NAT8: variants seen among roughly 807,000 people sequenced by gnomAD.
NAT8 encodes the protein N-acetyltransferase 8.
For synonymous variants in NAT8, 131 were observed against 115.4 expected (o/e 1.14, Z -0.87); for missense variants, 357 against 287.1 (o/e 1.24, Z -1.76).
rs990779928 is a variant in NAT8, at chr2:73,641,271, C to T, written c.358G>A (p.Gly120Ser). ...TCAACAGGCAGAGCTCCTACCATGCCCACCACCTTCTCTTCAGACTCAGCC... is the reference window on the plus strand; with the variant it reads ...TCAACAGGCAGAGCTCCTACCATGCTCACCACCTTCTCTTCAGACTCAGCC... ...WVAESEEKVVGMVGALPVDDP... is the reference protein window; with the variant it reads ...WVAESEEKVVSMVGALPVDDP... Residue 120 changes from glycine to serine, a missense_variant, in exon 2 of 2, where the codon GGC becomes AGC. By Grantham distance (56) the Gly-to-Ser change is moderately conservative. Coordinates refer to ENST00000272425, the MANE Select transcript of NAT8 (RefSeq NM_003960.4). 6.2e-7 allele frequency: 1 copy of T among 1,614,110 alleles called. No homozygotes were observed. Among genetic ancestry groups the T allele is most frequent in the Non-Finnish European group, 8.5e-7 (1 of 1,180,028 alleles).
rs563547940 is a variant in NAT8, at chr2:73,640,816, A to G, written c.*129T>C. 64 of 1,024,484 alleles carry G rather than the reference A, an allele frequency of 6.2e-5. No homozygotes were observed. The African/African-American group carries it at 9.4e-4, about 15-fold the overall frequency. The allele number at this position is 1,024,484 out of a possible 1,614,324, so 63.5% of individuals were successfully genotyped here. ...CCCAGAAGCTACCCCACAAGCAATC[A>G]CATGGGACTCAGATGTGAATGGACA... is the stretch of plus-strand genomic sequence containing the variant. On this transcript the variant is annotated 3_prime_UTR_variant, in exon 2 of 2. Transcript: ENST00000272425.
rs1676392731 is a variant in NAT8, at chr2:73,641,292, C to T, written c.337G>A (p.Glu113Lys). The change falls in exon 2 of 2, where the codon GAG (glutamate) becomes AAG (lysine). Residue 113 changes from glutamate to lysine, a missense_variant. Physicochemically the swap from Glu to Lys is moderately conservative, Grantham distance 56. Transcript: ENST00000272425. ...ATGCCCACCACCTTCTCTTCAGACT[C>T]AGCCACCCAGAAGCAGGAGCCACGC... ...SERGSCFWVA[E>K]SEEKVVGMVG... is the part of the protein sequence containing the mutation. 6.2e-7 allele frequency: 1 copy of T among 1,614,012 alleles called. No individual in the cohort carries two copies. Among genetic ancestry groups the T allele is most frequent in the Admixed American group, 1.7e-5 (1 of 59,950 alleles).
rs747431825 is a variant in NAT8, at chr2:73,641,325, G to T, written c.304C>A (p.Leu102Met). Residue 102 changes from leucine (L) to methionine (M), a missense_variant, in exon 2 of 2, where the codon CTG becomes ATG. Leu to Met is a conservative substitution (Grantham distance 15, BLOSUM62 2). Coordinates refer to ENST00000272425, the MANE Select transcript of NAT8 (RefSeq NM_003960.4). ...CAGAAGCAGGAGCCACGCTCACTCA[G>T]GTAGGATTTGGTAATGTCAGACATG... ...TDMSDITKSY[L>M]SERGSCFWVA... 4.3e-6 allele frequency: 7 copies of T among 1,614,086 alleles called. No homozygotes were observed. In the East Asian group the frequency reaches 1.6e-4, roughly 36 times the overall value.
rs1676382772 is a variant in NAT8, at chr2:73,641,027, A to C, written c.602T>G (p.Phe201Cys). Residue 201 changes from phenylalanine to cysteine, a missense_variant, in exon 2 of 2, where the codon TTC becomes TGC. Physicochemically the swap from Phe to Cys is radical, Grantham distance 205 (BLOSUM62 -2). Transcript: ENST00000272425. ...MGFKKTGQSF[F>C]CVWARLVALH... Reference sequence around the variant, plus strand: ...AGCCACTAGCCTGGCCCACACACAGAAGAAGGACTGGCCCGTCTTCTTGAA... The same window carrying C: ...AGCCACTAGCCTGGCCCACACACAGCAGAAGGACTGGCCCGTCTTCTTGAA... 1 of 1,613,990 alleles carries C rather than the reference A, an allele frequency of 6.2e-7. No homozygotes were observed.
chr2:73,640,876 G>C lies in NAT8; in HGVS notation c.*69C>G, dbSNP rs1062879. The C allele has an allele frequency of 3.4e-6, 5 of 1,459,840 alleles. No individual in the cohort carries two copies. The highest frequency in any genetic ancestry group is 4.6e-6 in the Non-Finnish European group (5 of 1,087,252). The allele number at this position is 1,459,840 out of a possible 1,614,324, so 90.4% of individuals were successfully genotyped here. A position where few individuals can be genotyped will look rare whatever the true frequency, so the allele number is the denominator to read the frequency against. The stretch of plus-strand genomic sequence containing the variant: ...TATTGCATTGAAAGGTCATTGCAGT[G>C]AAAGGTTGGGGATTGCTTGCTGCTA... On this transcript the variant is annotated 3_prime_UTR_variant, in exon 2 of 2. Transcript: ENST00000272425.
At chr2:73,641,998 C>T (rs1163018041) in intron 1 of NAT8, among the ~76,000 whole-genome samples, 5 of 152,118 alleles carry the variant, frequency 3.3e-5, no homozygotes, top group Non-Finnish European at 7.3e-5. Context: ...AAGATGCCTT[C>T]TATAAAGCCC....
Position 73,641,011 on chromosome 2 carries a change from C to G in NAT8, c.618G>C (p.Arg206Ser). The G allele has an allele frequency of 6.2e-7, 1 of 1,614,120 alleles. No homozygotes were observed. Among genetic ancestry groups the G allele is most frequent in the African/African-American group, 1.3e-5 (1 of 75,040 alleles). Reference sequence around the variant, plus strand: ...AATGAACTGTATGAAGAGCCACTAGCCTGGCCCACACACAGAAGAAGGACT... The same window carrying G: ...AATGAACTGTATGAAGAGCCACTAGGCTGGCCCACACACAGAAGAAGGACT... ...TGQSFFCVWA[R>S]LVALHTVHFI... The change falls in exon 2 of 2, where the codon AGG becomes AGC. Residue 206 changes from arginine (R) to serine (S), a missense_variant. Arg to Ser is a moderately radical substitution (Grantham distance 110, BLOSUM62 -1). Transcript: ENST00000272425.
chr2:73,641,563 G>T lies in NAT8; in HGVS notation c.66C>A (p.Ser22=). ...SDRQWVVGLL[S]RGMAEHAPAT... ...CTGGGGCATGCTCGGCCATCCCCCG[G>T]GAGAGCAAGCCCACAACCCACTGGC... The change falls in exon 2 of 2, where the codon TCC becomes TCA. Residue 22 remains serine (S), a synonymous_variant. Transcript: ENST00000272425. 1 of 1,601,678 alleles carries T rather than the reference G, an allele frequency of 6.2e-7. No homozygotes were observed. The highest frequency in any genetic ancestry group is 8.5e-7 in the Non-Finnish European group (1 of 1,173,902).
rs1229100070 is a variant in NAT8, at chr2:73,641,540, G to A, written c.89C>T (p.Pro30Leu). The A allele has an allele frequency of 6.2e-7, 1 of 1,612,004 alleles. No individual in the cohort carries two copies. The highest frequency in any genetic ancestry group is 8.5e-7 in the Non-Finnish European group (1 of 1,179,080). Residue 30 changes from proline to leucine, a missense_variant, in exon 2 of 2, where the codon CCA (proline) becomes CTA (leucine). Physicochemically the swap from Pro to Leu is moderately conservative, Grantham distance 98. Transcript: ENST00000272425. ...LLSRGMAEHA[P>L]ATFRQLLKLP... ...CTTCAGCAATTGCCGGAAGGTGGCTGGGGCATGCTCGGCCATCCCCCGGGA... is the reference window on the plus strand; with the variant it reads ...CTTCAGCAATTGCCGGAAGGTGGCTAGGGCATGCTCGGCCATCCCCCGGGA...
At position 73,641,396 on chromosome 2, in the gene NAT8, G is replaced by T. The variant is rs371788953; in HGVS notation, c.233C>A (p.Ala78Asp). Residue 78 changes from alanine (A) to aspartate (D), a missense_variant, in exon 2 of 2, where the codon GCC becomes GAC. Physicochemically the swap from Ala to Asp is moderately radical, Grantham distance 126. Coordinates refer to ENST00000272425, the MANE Select transcript of NAT8 (RefSeq NM_003960.4). Reference protein sequence around the residue: ...ISLFPALWFLAKKPWTEYVDM... With the variant: ...ISLFPALWFLDKKPWTEYVDM... ...CACATACTCCGTCCAGGGTTTTTTG[G>T]CAAGGAACCACAGGGCAGGGAAGAG... 1.2e-4 allele frequency: 187 copies of T among 1,613,936 alleles called. No individual in the cohort carries two copies. Among genetic ancestry groups the T allele is most frequent in the Non-Finnish European group, 1.4e-4 (170 of 1,180,034 alleles).
rs865963594 is a variant in NAT8 at position 73,641,685 on chromosome 2, G to A, written c.-57C>T. ...CCAGGAGACAGAGCTAGGCCTCCCTGCACGCCTTTACGTCAGACTGGGGAA... is the reference window on the plus strand; with the variant it reads ...CCAGGAGACAGAGCTAGGCCTCCCTACACGCCTTTACGTCAGACTGGGGAA... On this transcript the variant is annotated 5_prime_UTR_variant, in exon 2 of 2. Coordinates refer to ENST00000272425, the MANE Select transcript of NAT8 (RefSeq NM_003960.4). 3.3e-6 allele frequency: 5 copies of A among 1,502,274 alleles called. No homozygotes were observed. In the Middle Eastern group the frequency reaches 7.2e-4, roughly 217 times the overall value. 93.1% of individuals were successfully genotyped at this position (1,502,274 alleles called of 1,614,324 possible).
chr2:73,641,809 G>A (rs1340356321), intron 1 of NAT8, 107 bp from the exon 2 acceptor site: 7 of 684,516 alleles, frequency 1.0e-5, no homozygotes, highest in Middle Eastern at 4.3e-4. Flanking sequence ...CCATGAGGAA[G>A]CAGGCCTCTG....
At chr2:73,641,807 A>T in intron 1 of NAT8, 105 bp from the exon 2 acceptor site, 1 of 726,876 alleles carries the variant, frequency 1.4e-6, no homozygotes, top group Non-Finnish European at 2.1e-6. Context: ...GCCCATGAGG[A>T]AGCAGGCCTC....
Position 73,641,010 on chromosome 2 carries a change from G to A in NAT8, c.619C>T (p.Leu207=), listed in dbSNP as rs1676382132. ...AAATGAACTGTATGAAGAGCCACTAGCCTGGCCCACACACAGAAGAAGGAC... is the reference window on the plus strand; with the variant it reads ...AAATGAACTGTATGAAGAGCCACTAACCTGGCCCACACACAGAAGAAGGAC... ...GQSFFCVWAR[L]VALHTVHFIY... is the part of the protein sequence containing the mutation. The change falls in exon 2 of 2, where the codon CTA becomes TTA. Residue 207 remains leucine, a synonymous_variant. Coordinates refer to ENST00000272425, the MANE Select transcript of NAT8 (RefSeq NM_003960.4). The A allele has an allele frequency of 6.2e-7, 1 of 1,614,094 alleles. No individual in the cohort carries two copies. The highest frequency in any genetic ancestry group is 2.2e-5 in the East Asian group (1 of 44,886).
rs1456463790 is a variant in NAT8 at position 73,641,324 on chromosome 2, A to G, written c.305T>C (p.Leu102Pro). The change falls in exon 2 of 2, where the codon CTG becomes CCG. Residue 102 changes from leucine to proline, a missense_variant. Leu to Pro is a moderately conservative substitution (Grantham distance 98, BLOSUM62 -3). Transcript: ENST00000272425. ...TDMSDITKSY[L>P]SERGSCFWVA... is the part of the protein sequence containing the mutation. The stretch of plus-strand genomic sequence containing the variant: ...CCAGAAGCAGGAGCCACGCTCACTC[A>G]GGTAGGATTTGGTAATGTCAGACAT... 2.5e-6 allele frequency: 4 copies of G among 1,613,986 alleles called. No homozygotes were observed. Among genetic ancestry groups the G allele is most frequent in the East Asian group, 4.5e-5 (2 of 44,878 alleles).
Position 73,641,356 on chromosome 2 carries a change from G to T in NAT8, c.273C>A (p.Cys91Ter). The T allele has an allele frequency of 6.2e-7, 1 of 1,614,118 alleles. No homozygotes were observed. The highest frequency in any genetic ancestry group is 1.6e-4 in the Middle Eastern group (1 of 6,062). ...PWTEYVDMTLCTDMSDITKSY... is the reference protein window; with the variant it reads ...PWTEYVDMTL ...ATTTGGTAATGTCAGACATGTCTGT[G>T]CACAATGTCATGTCCACATACTCCG... Residue 91 changes from cysteine to a stop codon, truncating the protein, a stop_gained, in exon 2 of 2, where the codon TGC (cysteine) becomes TGA (stop). Coordinates refer to ENST00000272425, the MANE Select transcript of NAT8 (RefSeq NM_003960.4). LOFTEE classifies it low-confidence loss of function (END_TRUNC).
intron 1 of NAT8, among the ~76,000 whole-genome samples, chr2:73,642,025 C>T (rs1676412672): frequency 6.6e-6 from 1 of 152,090 alleles, no homozygotes; most frequent in Non-Finnish European, 1.5e-5. Flanking sequence ...ATGAACTACC[C>T]ACCGCTCTTC....
In NAT8 at chr2:73,641,515, C is replaced by G. The variant is rs773941801; in HGVS notation, c.114G>C (p.Lys38Asn). The G allele has an allele frequency of 1.2e-5, 20 of 1,613,498 alleles. No homozygotes were observed. Among genetic ancestry groups the G allele is most frequent in the Non-Finnish European group, 1.6e-5 (19 of 1,179,822 alleles). The change falls in exon 2 of 2, where the codon AAG (lysine) becomes AAC (asparagine). Residue 38 changes from lysine (K) to asparagine (N), a missense_variant. Physicochemically the swap from Lys to Asn is moderately conservative, Grantham distance 94 (BLOSUM62 0). Transcript: ENST00000272425. Reference sequence around the variant, plus strand: ...GTAAGAGTATGAGGGTTCGAGGCAGCTTCAGCAATTGCCGGAAGGTGGCTG... The same window carrying G: ...GTAAGAGTATGAGGGTTCGAGGCAGGTTCAGCAATTGCCGGAAGGTGGCTG... ...HAPATFRQLLKLPRTLILLLG... is the reference protein window; with the variant it reads ...HAPATFRQLLNLPRTLILLLG...
rs1469136563 is a variant in NAT8 at position 73,641,312 on chromosome 2, C to G, written c.317G>C (p.Gly106Ala). The change falls in exon 2 of 2, where the codon GGC becomes GCC. Residue 106 changes from glycine to alanine, a missense_variant. Coordinates refer to ENST00000272425, the MANE Select transcript of NAT8 (RefSeq NM_003960.4). ...DITKSYLSER[G>A]SCFWVAESEE... The stretch of plus-strand genomic sequence containing the variant: ...AGACTCAGCCACCCAGAAGCAGGAG[C>G]CACGCTCACTCAGGTAGGATTTGGT... 3.1e-6 allele frequency: 5 copies of G among 1,613,988 alleles called. No homozygotes were observed. The highest frequency in any genetic ancestry group is 1.1e-5 in the South Asian group (1 of 91,082).
Sources: allele counts gnomAD v4.1 joint callset (sites outside exome capture counted in the v4.1 genomes callset), GRCh38; gene constraint gnomAD v4.1.1; transcripts MANE v1.5; gene names NCBI Gene and HGNC (gene_info 2026-07-23, HGNC 2026-07-21).